Variants in INO80D observed in about 807,000 individuals in gnomAD.
INO80D encodes the protein INO80 complex subunit D.
Under a neutral mutation model 87.6 loss-of-function variants are expected in INO80D, and 21 were observed. The ratio of observed to expected loss-of-function variants is 0.24; its 90% CI spans 0.17 to 0.35. The LOEUF (loss-of-function observed/expected upper bound fraction) is 0.35, where lower values mean the gene tolerates loss of function less well. Ranked by LOEUF, INO80D falls within the 10% of genes least tolerant of loss-of-function variation. The pLI, the probability that INO80D is intolerant of heterozygous loss-of-function variation, is 1.00. For synonymous variants in INO80D, 440 were observed against 491.0 expected, an observed-to-expected ratio of 0.90 and a Z score of 1.37; for missense variants, 982 against 1,280.7, an observed-to-expected ratio of 0.77 and a Z score of 3.56.
At chr2:206,072,992 T>G (rs1432605392) in intron 1 of INO80D, among the ~76,000 whole-genome samples, 1 of 152,034 alleles carries the variant, frequency 6.6e-6, no homozygotes, top group Non-Finnish European at 1.5e-5. Flanking sequence ...CATTAATCAC[T>G]GTGCCCAACT....
chr2:206,015,832 A>G (rs1219713663), intron 8 of INO80D, among the ~76,000 whole-genome samples: 1 of 152,176 alleles, frequency 6.6e-6, no homozygotes, highest in Non-Finnish European at 1.5e-5. Context: ...GGTTGCAGTG[A>G]GCCAAGATCA....
Position 206,009,618 on chromosome 2 carries a change from C to T in INO80D, c.1719G>A (p.Met573Ile). Reference protein sequence around the residue: ...PPAVPQGNLSMPASVSLPVEA... With the variant: ...PPAVPQGNLSIPASVSLPVEA... The stretch of plus-strand genomic sequence containing the variant: ...CCACTGGCAGTGAGACGCTGGCGGG[C>T]ATGCTGAGGTTCCCTTGGGGGACTG... The change falls in exon 9 of 11, where the codon ATG (methionine) becomes ATA (isoleucine). Residue 573 changes from methionine (M) to isoleucine (I), a missense_variant. Transcript: ENST00000403263. 1 of 1,613,792 alleles carries T rather than the reference C, an allele frequency of 6.2e-7. No homozygotes were observed. The highest frequency in any genetic ancestry group is 8.5e-7 in the Non-Finnish European group (1 of 1,179,846).
intron 8 of INO80D, among the ~76,000 whole-genome samples, chr2:206,010,219 A>G (rs561791707): frequency 3.3e-5 from 5 of 152,096 alleles, no homozygotes; most frequent in Non-Finnish European, 4.4e-5. Context: ...CATAAAATTA[A>G]TATTAGTGGA....
chr2:206,079,525 C>G (rs542104663), intron 1 of INO80D, among the ~76,000 whole-genome samples: 1 of 152,172 alleles, frequency 6.6e-6, no homozygotes, highest in Non-Finnish European at 1.5e-5. Context: ...TACATCCAGT[C>G]CACCTATGAG....
chr2:206,081,648 A>AGGCACACCTGAGGT (rs1690286274), intron 1 of INO80D, among the ~76,000 whole-genome samples: 1 of 151,660 alleles, frequency 6.6e-6, no homozygotes, highest in South Asian at 2.1e-4. Context: ...GGCTGACTAC[A>AGGCACACCTGAGGT]GGCACACCTG....
intron 5 of INO80D, among the ~76,000 whole-genome samples, chr2:206,028,889 TTTG>T (rs1029607115): frequency 1.3e-5 from 2 of 151,926 alleles, no homozygotes; most frequent in African/African-American, 4.8e-5. Context: ...GTTTTGTTTT[TTTG>T]TTTTTTTTTT....
chr2:206,059,425 G>A (rs751982691), intron 3 of INO80D, among the ~76,000 whole-genome samples: 4 of 152,094 alleles, frequency 2.6e-5, no homozygotes, highest in Admixed American at 1.3e-4. Flanking sequence ...TATTTTTACT[G>A]TAGCATATAG....
At chr2:206,080,770 G>A (rs1180898066) in intron 1 of INO80D, among the ~76,000 whole-genome samples, 4 of 151,674 alleles carry the variant, frequency 2.6e-5, no homozygotes, top group African/African-American at 9.7e-5. Context: ...AGCCGGGTGT[G>A]CGGGCGCCTG....
At position 206,003,614 on chromosome 2, in the gene INO80D, C is replaced by T. The variant is rs1687943666; in HGVS notation, c.*754G>A. The T allele has an allele frequency of 6.6e-6, 1 of 152,284 alleles. No homozygotes were observed. Among genetic ancestry groups the T allele is most frequent in the Non-Finnish European group, 1.5e-5 (1 of 68,146 alleles). 9.4% of individuals were successfully genotyped at this position (152,284 alleles called of 1,614,324 possible). A position where few individuals can be genotyped will look rare whatever the true frequency, so the allele number is the denominator to read the frequency against. ...TGTGCTACTCACACGACCAGTCCACCACCCTCCCTATTCAGGAAACTTGAG... is the reference window on the plus strand; with the variant it reads ...TGTGCTACTCACACGACCAGTCCACTACCCTCCCTATTCAGGAAACTTGAG... On this transcript the variant is annotated 3_prime_UTR_variant, in exon 11 of 11. Transcript: ENST00000403263.
intron 6 of INO80D, among the ~76,000 whole-genome samples, chr2:206,021,856 C>T (rs1688473830): frequency 6.6e-6 from 1 of 151,854 alleles, no homozygotes; most frequent in Non-Finnish European, 1.5e-5. Flanking sequence ...TCAGGTGATC[C>T]ACCTGCCTCA....
chr2:205,994,609 C>G lies in INO80D; in HGVS notation c.*9759G>C, dbSNP rs145114451. The G allele has an allele frequency of 9.9e-5, 15 of 152,116 alleles. No homozygotes were observed. Among genetic ancestry groups the G allele is most frequent in the African/African-American group, 3.6e-4 (15 of 41,436 alleles). 9.4% of individuals were successfully genotyped at this position (152,116 alleles called of 1,614,324 possible). ...CTCAGTAAAATGGCTCAAACCCCAG[C>G]CTCTCTATTTTAGTCTTCAGGAGTA... On this transcript the variant is annotated 3_prime_UTR_variant, in exon 11 of 11. Coordinates refer to ENST00000403263, the MANE Select transcript of INO80D (RefSeq NM_017759.5).
chr2:206,027,005 A>T (rs2105831462), intron 6 of INO80D, among the ~76,000 whole-genome samples: 2 of 152,380 alleles, frequency 1.3e-5, no homozygotes, highest in East Asian at 3.9e-4. Flanking sequence ...TTAAGAATTA[A>T]TCTCATGAGA....
intron 7 of INO80D, among the ~76,000 whole-genome samples, chr2:206,018,876 C>T (rs145397654): frequency 1.1e-4 from 17 of 152,202 alleles, no homozygotes; most frequent in African/African-American, 2.2e-4. Flanking sequence ...GCACTTCAGC[C>T]GGGGTGACAG....
chr2:206,063,013 A>G lies in INO80D; in HGVS notation c.4T>C (p.Tyr2His). Residue 2 changes from tyrosine (Y) to histidine (H), a missense_variant, in exon 3 of 11, where the codon TAT becomes CAT. Coordinates refer to ENST00000403263, the MANE Select transcript of INO80D (RefSeq NM_017759.5). Reference sequence around the variant, plus strand: ...GAGAAGTGTATATGTTTCCCTTCATACATCACGTGACTCTATTCCTTGTGA... The same window carrying G: ...GAGAAGTGTATATGTTTCCCTTCATGCATCACGTGACTCTATTCCTTGTGA... M[Y>H]EGKHIHFSEV... 1 of 1,603,550 alleles carries G rather than the reference A, an allele frequency of 6.2e-7. No homozygotes were observed. The highest frequency in any genetic ancestry group is 8.5e-7 in the Non-Finnish European group (1 of 1,172,696).
intron 1 of INO80D, among the ~76,000 whole-genome samples, chr2:206,084,214 T>C (rs1367865333): frequency 8.2e-6 from 1 of 121,992 alleles, no homozygotes; most frequent in African/African-American, 2.7e-5. Flanking sequence ...TACACATATA[T>C]TTTTTTTTCG....
At chr2:206,054,667 C>T (rs780490951) in intron 4 of INO80D, among the ~76,000 whole-genome samples, 1 of 152,118 alleles carries the variant, frequency 6.6e-6, no homozygotes, top group Non-Finnish European at 1.5e-5. Flanking sequence ...GTATGCACCA[C>T]CACACCCGGC....
rs1299596599 is a variant in INO80D, at chr2:206,085,428, C to A, written c.-124+473G>T. 6.6e-6 allele frequency: 1 copy of A among 151,780 alleles called. No individual in the cohort carries two copies. Among genetic ancestry groups the A allele is most frequent in the Non-Finnish European group, 1.5e-5 (1 of 67,922 alleles). The allele number at this position is 151,780 out of a possible 1,614,324, so 9.4% of individuals were successfully genotyped here. On this transcript the variant is annotated intron_variant, in intron 1 of 10. Coordinates refer to ENST00000403263, the MANE Select transcript of INO80D (RefSeq NM_017759.5). The surrounding 1 kb of genome is among the most constrained non-coding windows in gnomAD (Gnocchi z 4.5). Reference sequence around the variant, plus strand: ...CCCCTGTCCCGGCAGCCCGGGCCTGCCGCCCCGCGGGAAAGCCTCCGGGCC... The same window carrying A: ...CCCCTGTCCCGGCAGCCCGGGCCTGACGCCCCGCGGGAAAGCCTCCGGGCC...
In INO80D at chr2:206,063,249, A is replaced by T; in HGVS notation, c.-123-5T>A. ...AATCAGGATGAAGCAGATTGTCTAT[A>T]AAAATATCAAAAGGCCTAGTTAACA... On this transcript the variant is annotated splice_region_variant and splice_polypyrimidine_tract_variant and intron_variant, in intron 1 of 10. Transcript: ENST00000403263. 1 of 543,238 alleles carries T rather than the reference A, an allele frequency of 1.8e-6. No individual in the cohort carries two copies. Among genetic ancestry groups the T allele is most frequent in the Non-Finnish European group, 3.2e-6 (1 of 315,306 alleles). The allele number at this position is 543,238 out of a possible 1,614,324, so 33.7% of individuals were successfully genotyped here. A position where few individuals can be genotyped will look rare whatever the true frequency, so the allele number is the denominator to read the frequency against.
chr2:206,072,468 G>A (rs1690000402), intron 1 of INO80D, among the ~76,000 whole-genome samples: 1 of 151,960 alleles, frequency 6.6e-6, no homozygotes, highest in South Asian at 2.1e-4. Flanking sequence ...AGTAGAGACG[G>A]GGTTTCAGCA....
Sources: gnomAD v4.1 joint callset for allele counts (sites outside exome capture counted in the v4.1 genomes callset) on GRCh38, gnomAD v4.1.1 for gene constraint, Gnocchi (gnomAD v3.1) non-coding constraint, MANE v1.5 for transcripts, NCBI Gene and HGNC (gene_info 2026-07-23, HGNC 2026-07-21) for gene names.